Variants in LRBA observed in about 807,000 individuals in gnomAD.
The protein encoded by LRBA is LPS responsive beige-like anchor protein, also known as lipopolysaccharide-responsive and beige-like anchor protein.
In LRBA, 176 loss-of-function variants were observed where a neutral mutation model predicts 330.0. That is an observed-to-expected ratio of 0.53 (90% CI 0.47 to 0.60). The LOEUF is 0.60. LRBA is among the 20% of genes least tolerant of loss of function. The pLI, the probability that LRBA is intolerant of heterozygous loss-of-function variation, is 0.00. For synonymous variants in LRBA, 1,230 were observed against 1,193.0 expected (o/e 1.03, Z -0.64); for missense variants, 3,259 against 3,444.8 (o/e 0.95, Z 1.35).
intron 53 of LRBA, among the ~76,000 whole-genome samples, chr4:150,289,801 G>T (rs1053948838): frequency 3.9e-5 from 6 of 152,098 alleles, no homozygotes; most frequent in African/African-American, 1.4e-4. Context: ...TTATAATAAA[G>T]AGCTTGAAAT....
Position 150,839,073 on chromosome 4 carries a change from C to T in LRBA, c.4569+5027G>A, listed in dbSNP as rs369241410. On this transcript the variant is annotated intron_variant, in intron 28 of 56. Transcript: ENST00000651943. Reference sequence around the variant, plus strand: ...AAAAACAACCCCATCAAAAAGTGGGCGAAGGAGATGAACAGACAATTCTCA... The same window carrying T: ...AAAAACAACCCCATCAAAAAGTGGGTGAAGGAGATGAACAGACAATTCTCA... Among the ~76,000 whole-genome samples, 41 of 152,146 alleles carry T rather than the reference C, an allele frequency of 2.7e-4. 1 individual carries two copies. In the East Asian group the frequency reaches 5.6e-3, roughly 21 times the overall value.
chr4:150,407,183 G>A (rs1746318945), intron 47 of LRBA, among the ~76,000 whole-genome samples: 1 of 152,152 alleles, frequency 6.6e-6, no homozygotes, highest in Admixed American at 6.6e-5. Flanking sequence ...GGACAGATTT[G>A]GCTATAGACA....
At chr4:150,523,796 T>A (rs1172706563) in intron 40 of LRBA, among the ~76,000 whole-genome samples, 3 of 152,128 alleles carry the variant, frequency 2.0e-5, no homozygotes, top group Non-Finnish European at 1.5e-5. Flanking sequence ...GCTCCTAGAA[T>A]GGGAAGAATC....
intron 24 of LRBA, 124 bp from the exon 25 acceptor site, chr4:150,849,699 G>T: frequency 1.4e-6 from 1 of 713,934 alleles, no homozygotes; most frequent in Non-Finnish European, 2.4e-6. Flanking sequence ...GGAAGATGAT[G>T]CAGCAGGCAT....
At chr4:150,626,711 A>G (rs1776896703) in intron 37 of LRBA, among the ~76,000 whole-genome samples, 1 of 152,178 alleles carries the variant, frequency 6.6e-6, no homozygotes, top group African/African-American at 2.4e-5. Context: ...ATTTTTAACA[A>G]ATTAAGATTT....
intron 47 of LRBA, among the ~76,000 whole-genome samples, chr4:150,384,976 T>C (rs1742845170): frequency 6.6e-6 from 1 of 152,170 alleles, no homozygotes; most frequent in Admixed American, 6.5e-5. Flanking sequence ...ATAATCTTTA[T>C]GTCCTAAACT....
At chr4:150,892,979 C>A (rs759823788) in intron 17 of LRBA, 73 bp downstream of exon 17, 10 of 895,188 alleles carry the variant, frequency 1.1e-5, no homozygotes, top group African/African-American at 3.4e-5. Flanking sequence ...TTTAAATAAT[C>A]CTTTTCATAT....
In LRBA at chr4:150,693,421, G is replaced by A. The variant is rs551741756; in HGVS notation, c.5755-9704C>T. Among the ~76,000 whole-genome samples the A allele has an allele frequency of 8.6e-5, 13 of 150,852 alleles. No homozygotes were observed. In the South Asian group the frequency reaches 1.7e-3, roughly 19 times the overall value. Reference sequence around the variant, plus strand: ...TACTAAAAATACAAAAAAATTAGCCGGGCGTAGTGGCGGGCGCCTGTAGTC... The same window carrying A: ...TACTAAAAATACAAAAAAATTAGCCAGGCGTAGTGGCGGGCGCCTGTAGTC... On this transcript the variant is annotated intron_variant, in intron 36 of 56. Coordinates refer to ENST00000651943, the MANE Select transcript of LRBA (RefSeq NM_001364905.1).
chr4:150,927,146 G>A (rs1479415750), intron 4 of LRBA, among the ~76,000 whole-genome samples: 8 of 151,610 alleles, frequency 5.3e-5, no homozygotes, highest in African/African-American at 1.2e-4. Flanking sequence ...AGGCCAAGGC[G>A]GGCAGATCAC....
At chr4:150,548,414 A>T (rs1766115561) in intron 40 of LRBA, among the ~76,000 whole-genome samples, 1 of 152,172 alleles carries the variant, frequency 6.6e-6, no homozygotes, top group Admixed American at 6.5e-5. Context: ...CCTGCTATCT[A>T]AAGTAAAATG....
At chr4:150,592,517 T>C (rs1773014946) in intron 38 of LRBA, among the ~76,000 whole-genome samples, 1 of 152,180 alleles carries the variant, frequency 6.6e-6, no homozygotes. Context: ...ATACACTCTA[T>C]GGGTAAATAA....
chr4:150,982,193 T>TGATC (rs1740926733), intron 2 of LRBA, among the ~76,000 whole-genome samples: 1 of 152,186 alleles, frequency 6.6e-6, no homozygotes, highest in Non-Finnish European at 1.5e-5. Flanking sequence ...GACAGTAGTA[T>TGATC]GATCGATCTG....
chr4:150,269,480 AAAAAC>A (rs1745792238), intron 56 of LRBA, among the ~76,000 whole-genome samples: 1 of 152,232 alleles, frequency 6.6e-6, no homozygotes, highest in Non-Finnish European at 1.5e-5. Flanking sequence ...TTAAAAAACT[AAAAAC>A]AGATCAAAAA....
chr4:150,509,568 C>CA lies in LRBA; in HGVS notation c.6331-18534dup, dbSNP rs35485784. Among the ~76,000 whole-genome samples, 936 of 142,002 alleles carry CA rather than the reference C, an allele frequency of 6.6e-3. 11 individuals are homozygous for CA. The highest frequency in any genetic ancestry group is 0.023 in the African/African-American group (847 of 37,502). The allele number at this position is 142,002 out of a possible 152,430, so 93.2% of individuals were successfully genotyped here. On this transcript the variant is annotated intron_variant, in intron 40 of 56. Coordinates refer to ENST00000651943, the MANE Select transcript of LRBA (RefSeq NM_001364905.1). The stretch of plus-strand genomic sequence containing the variant: ...AATAAAAATCAAAAGAATAGAAAAC[C>CA]AAAAAAAAAAAAGAGAGAAATATCA...
rs541859653 is a variant in LRBA, at chr4:150,873,805, A to G, written c.2166-1050T>C. 5.3e-5 allele frequency among the ~76,000 whole-genome samples: 8 copies of G among 152,286 alleles called. No homozygotes were observed. In the East Asian group the frequency reaches 1.5e-3, roughly 29 times the overall value. Reference sequence around the variant, plus strand: ...AAAATTTTGGTGTTTAGTAAGTTAGAAAACATTCTGAACAAAAAGGAAATA... The same window carrying G: ...AAAATTTTGGTGTTTAGTAAGTTAGGAAACATTCTGAACAAAAAGGAAATA... On this transcript the variant is annotated intron_variant, in intron 17 of 56. Coordinates refer to ENST00000651943, the MANE Select transcript of LRBA (RefSeq NM_001364905.1).
intron 30 of LRBA, among the ~76,000 whole-genome samples, chr4:150,826,392 G>C (rs573512845): frequency 5.3e-5 from 8 of 152,260 alleles, no homozygotes; most frequent in African/African-American, 1.9e-4. Flanking sequence ...GGCAGGAAGA[G>C]ATAGGCTAAC....
chr4:150,859,276 A>G (rs1446241094), intron 22 of LRBA, among the ~76,000 whole-genome samples: 2 of 152,210 alleles, frequency 1.3e-5, no homozygotes, highest in Non-Finnish European at 2.9e-5. Context: ...TTATGGCAAT[A>G]TGAGTCTAGA....
intron 55 of LRBA, among the ~76,000 whole-genome samples, chr4:150,280,299 T>C (rs1227653426): frequency 2.0e-5 from 3 of 152,176 alleles, no homozygotes; most frequent in Non-Finnish European, 2.9e-5. Flanking sequence ...TCTCATCCCC[T>C]GAAATCCTGA....
intron 38 of LRBA, among the ~76,000 whole-genome samples, chr4:150,596,384 T>C (rs1425242482): frequency 6.6e-6 from 1 of 151,842 alleles, no homozygotes; most frequent in East Asian, 1.9e-4. Flanking sequence ...ACGTAACTGA[T>C]CTCCAATGGC....
Sources: gnomAD v4.1 joint callset for allele counts (sites outside exome capture counted in the v4.1 genomes callset) on GRCh38, gnomAD v4.1.1 for gene constraint, MANE v1.5 for transcripts, NCBI Gene and HGNC (gene_info 2026-07-23, HGNC 2026-07-21) for gene names.